The following SPECC1 variants were observed in gnomAD, a reference collection of about 807,000 sequenced individuals.
SPECC1 encodes the protein cytospin-B.
SPECC1 carries 62 observed loss-of-function variants against 104.1 expected under a neutral mutation model. That is an observed-to-expected ratio of 0.60 (90% confidence interval 0.49 to 0.74). SPECC1 has a LOEUF of 0.74. Among genes scored for constraint, SPECC1 ranks in the 30% least tolerant of loss-of-function variants. The pLI, the probability that SPECC1 is intolerant of heterozygous loss-of-function variation, is 0.00. For synonymous variants in SPECC1, 513 were observed against 501.6 expected, an observed-to-expected ratio of 1.02 and a Z score of -0.30; for missense variants, 1,306 against 1,310.5, an observed-to-expected ratio of 1.00 and a Z score of 0.05.
At chr17:20,177,811 G>A (rs978907295) in intron 3 of SPECC1, among the ~76,000 whole-genome samples, 8 of 152,154 alleles carry the variant, frequency 5.3e-5, no homozygotes, top group African/African-American at 1.9e-4. Flanking sequence ...CTGGGTTTAA[G>A]CAATTCTTCT....
intron 4 of SPECC1, among the ~76,000 whole-genome samples, chr17:20,207,249 G>A (rs958131619): frequency 5.3e-5 from 8 of 152,196 alleles, no homozygotes; most frequent in African/African-American, 1.9e-4. Context: ...TGAGTCTGTT[G>A]CAGCCTGATT....
At chr17:20,077,419 G>A (rs773035871) in intron 1 of SPECC1, among the ~76,000 whole-genome samples, 22 of 151,784 alleles carry the variant, frequency 1.4e-4, no homozygotes, top group Non-Finnish European at 2.1e-4. Context: ...CTGTTTCTAC[G>A]CCATTATCGC....
chr17:20,109,847 G>T (rs2048395635), intron 2 of SPECC1, among the ~76,000 whole-genome samples: 1 of 151,978 alleles, frequency 6.6e-6, no homozygotes, highest in Admixed American at 6.6e-5. Context: ...CAGGAGAGCA[G>T]ATTTATTTTT....
intron 1 of SPECC1, among the ~76,000 whole-genome samples, chr17:20,026,771 A>G (rs2044616792): frequency 6.6e-6 from 1 of 152,176 alleles, no homozygotes; most frequent in Non-Finnish European, 1.5e-5. Context: ...TCTTCAGTAT[A>G]CTGACTTCTT....
intron 3 of SPECC1, among the ~76,000 whole-genome samples, chr17:20,197,412 A>G (rs2036107315): frequency 6.6e-6 from 1 of 152,330 alleles, no homozygotes; most frequent in East Asian, 1.9e-4. Flanking sequence ...TCACACAGAT[A>G]TTAAACCAGA....
At chr17:20,236,305 A>G (rs888574844) in intron 7 of SPECC1, among the ~76,000 whole-genome samples, 1 of 152,090 alleles carries the variant, frequency 6.6e-6, no homozygotes, top group Non-Finnish European at 1.5e-5. Context: ...TCCAGCTAGC[A>G]TTATCTGTTC....
intron 3 of SPECC1, among the ~76,000 whole-genome samples, chr17:20,122,113 A>C (rs1158837398): frequency 6.6e-6 from 1 of 152,120 alleles, no homozygotes; most frequent in Non-Finnish European, 1.5e-5. Flanking sequence ...CCCCCACGTC[A>C]AGGGAGTGGC....
intron 1 of SPECC1, among the ~76,000 whole-genome samples, chr17:20,045,898 AT>A (rs2045521010): frequency 6.6e-6 from 1 of 151,936 alleles, no homozygotes. Context: ...CTGGAAACTA[AT>A]TTATATCTTA....
chr17:20,237,275 C>A, intron 7 of SPECC1: 1 of 1,091,896 alleles, frequency 9.2e-7, no homozygotes, highest in Non-Finnish European at 1.1e-6. Context: ...GGCCCGAGTT[C>A]TTTTGTTTTT....
rs1392001346 is a variant in SPECC1, at chr17:20,204,924, A to C, written c.875A>C (p.Gln292Pro). The change falls in exon 4 of 15, where the codon CAG becomes CCG. Residue 292 changes from glutamine to proline, a missense_variant. Physicochemically the swap from Gln to Pro is moderately conservative, Grantham distance 76. This residue lies in a region of SPECC1 where 1,177 missense variants were observed against 1,139.9 expected (regional missense o/e 1.03). Coordinates refer to ENST00000395527, the MANE Select transcript of SPECC1 (RefSeq NM_001243439.2). ...ESSFGSPTGN[Q>P]MSSDIDEYKK... ...AGCTTCGGAAGCCCAACTGGAAATC[A>C]GATGTCCAGTGACATTGATGAGTAT... 6.2e-7 allele frequency: 1 copy of C among 1,614,130 alleles called. No individual in the cohort carries two copies. The highest frequency in any genetic ancestry group is 1.1e-5 in the South Asian group (1 of 91,072).
At chr17:20,287,601 A>G (rs982682823) in intron 12 of SPECC1, among the ~76,000 whole-genome samples, 4 of 152,104 alleles carry the variant, frequency 2.6e-5, no homozygotes, top group Non-Finnish European at 5.9e-5. Flanking sequence ...CTGAAAATAC[A>G]CCTTAGAGCT....
intron 3 of SPECC1, among the ~76,000 whole-genome samples, chr17:20,194,502 A>ATTATTATTTTTTTTT: frequency 3.5e-5 from 3 of 86,536 alleles, no homozygotes; most frequent in African/African-American, 1.6e-4. Flanking sequence ...AAGAGAACGA[A>ATTATTATTTTTTTTT]TTTTTTTTTT....
chr17:20,031,923 A>G (rs1300024269), intron 1 of SPECC1, among the ~76,000 whole-genome samples: 1 of 152,146 alleles, frequency 6.6e-6, no homozygotes, highest in African/African-American at 2.4e-5. Flanking sequence ...GGTTGCTTCT[A>G]CCTTTTGGCT....
chr17:20,276,234 A>C (rs2040572276), intron 12 of SPECC1, among the ~76,000 whole-genome samples: 1 of 151,994 alleles, frequency 6.6e-6, no homozygotes, highest in Admixed American at 6.6e-5. Context: ...CTCTTTTCTT[A>C]GCCTCCTAAG....
intron 7 of SPECC1, among the ~76,000 whole-genome samples, chr17:20,234,844 G>T (rs573351443): frequency 2.6e-5 from 4 of 152,322 alleles, no homozygotes; most frequent in African/African-American, 7.2e-5. Flanking sequence ...TTCATTGCTG[G>T]AACTCAGTAA....
chr17:20,289,814 CTT>C (rs2041098340), intron 12 of SPECC1, among the ~76,000 whole-genome samples: 1 of 152,070 alleles, frequency 6.6e-6, no homozygotes, highest in African/African-American at 2.4e-5. Context: ...AAGGGAACGT[CTT>C]TATTTAGGAG....
intron 7 of SPECC1, among the ~76,000 whole-genome samples, chr17:20,241,461 G>C (rs925733175): frequency 5.9e-5 from 9 of 152,122 alleles, no homozygotes; most frequent in Non-Finnish European, 1.2e-4. Flanking sequence ...CCTCTAGGGT[G>C]GGGGACATTA....
At chr17:20,228,244 G>A (rs2038352989) in intron 5 of SPECC1, among the ~76,000 whole-genome samples, 1 of 152,174 alleles carries the variant, frequency 6.6e-6, no homozygotes, top group Non-Finnish European at 1.5e-5. Flanking sequence ...CCTGGCTGGA[G>A]TGCAGTGGTG....
At chr17:20,220,095 G>C (rs1160994662) in intron 4 of SPECC1, among the ~76,000 whole-genome samples, 2 of 152,092 alleles carry the variant, frequency 1.3e-5, no homozygotes, top group Non-Finnish European at 2.9e-5. Flanking sequence ...AGTATAATTT[G>C]AAGTCAGATA....
Sources: allele counts gnomAD v4.1 joint callset (sites outside exome capture counted in the v4.1 genomes callset), GRCh38; gene constraint gnomAD v4.1.1; regional missense constraint gnomAD v4.1.1; transcripts MANE v1.5; gene names NCBI Gene and HGNC (gene_info 2026-07-23, HGNC 2026-07-21).